CAMKMT: variants seen among roughly 807,000 people sequenced by gnomAD.
CAMKMT encodes the protein calmodulin-lysine N-methyltransferase.
In CAMKMT, 53 loss-of-function variants were observed where a neutral mutation model predicts 48.0. That is an observed-to-expected ratio of 1.10 (90% CI 0.89 to 1.39). The LOEUF (loss-of-function observed/expected upper bound fraction) is 1.39, where lower values mean the gene tolerates loss of function less well. Ranked by LOEUF, CAMKMT falls within the 40% of genes most tolerant of loss-of-function variation. The pLI is 0.00. For missense variants in CAMKMT, 428 were observed against 402.7 expected (o/e 1.06, Z -0.54); for synonymous variants, 165 against 152.3 (o/e 1.08, Z -0.61).
At chr2:44,553,156 A>G (rs1003004665) in intron 3 of CAMKMT, among the ~76,000 whole-genome samples, 1 of 152,212 alleles carries the variant, frequency 6.6e-6, no homozygotes, top group African/African-American at 2.4e-5. Context: ...GACACTATTT[A>G]AGTACCTGTA....
chr2:44,767,442 A>G (rs895221995), intron 10 of CAMKMT, among the ~76,000 whole-genome samples: 8 of 152,222 alleles, frequency 5.3e-5, no homozygotes, highest in African/African-American at 1.9e-4. Context: ...CCAGGACTGT[A>G]ATATAATGTA....
At chr2:44,645,251 C>T (rs1416494413) in intron 3 of CAMKMT, among the ~76,000 whole-genome samples, 8 of 152,214 alleles carry the variant, frequency 5.3e-5, no homozygotes, top group Admixed American at 6.5e-5. Flanking sequence ...TACCCCTGCT[C>T]CTGCCTTCGT....
intron 3 of CAMKMT, among the ~76,000 whole-genome samples, chr2:44,685,861 G>T (rs564363358): frequency 3.9e-5 from 6 of 152,182 alleles, no homozygotes; most frequent in Non-Finnish European, 8.8e-5. Flanking sequence ...GCTTCACCTG[G>T]CTACACAGTT....
intron 7 of CAMKMT, among the ~76,000 whole-genome samples, chr2:44,720,959 A>G (rs552509138): frequency 2.6e-5 from 4 of 152,070 alleles, no homozygotes; most frequent in African/African-American, 4.8e-5. Context: ...CTTCGATTAT[A>G]TTTTCTACTT....
intron 3 of CAMKMT, among the ~76,000 whole-genome samples, chr2:44,560,114 T>G (rs2103690163): frequency 6.6e-6 from 1 of 152,306 alleles, no homozygotes; most frequent in Middle Eastern, 3.4e-3. Flanking sequence ...AGTAAAATAT[T>G]TGAATAGGCT....
intron 3 of CAMKMT, among the ~76,000 whole-genome samples, chr2:44,666,017 C>G (rs1674946718): frequency 6.6e-6 from 1 of 152,280 alleles, no homozygotes; most frequent in Non-Finnish European, 1.5e-5. Flanking sequence ...AAGAAATAGG[C>G]AAGCCATGTG....
intron 4 of CAMKMT, chr2:44,705,194 A>C: frequency 4.0e-5 from 8 of 199,632 alleles, no homozygotes; most frequent in Non-Finnish European, 6.3e-5. Context: ...AATTGCTTTA[A>C]ACAACCAAAC....
chr2:44,767,986 G>T (rs1451533721), intron 10 of CAMKMT, among the ~76,000 whole-genome samples: 1 of 152,186 alleles, frequency 6.6e-6, no homozygotes. Context: ...GTTCAGCATT[G>T]TGCCTGATAC....
chr2:44,364,947 C>G (rs1678435071), intron 1 of CAMKMT, among the ~76,000 whole-genome samples: 1 of 152,106 alleles, frequency 6.6e-6, no homozygotes, highest in Non-Finnish European at 1.5e-5. Flanking sequence ...AGATATTTGG[C>G]AAAGGCCAAA....
chr2:44,744,804 C>G (rs1679850975), intron 8 of CAMKMT, among the ~76,000 whole-genome samples: 1 of 151,600 alleles, frequency 6.6e-6, no homozygotes, highest in Admixed American at 6.6e-5. Flanking sequence ...GAAAAAAAAA[C>G]ACTTCTCCAT....
intron 3 of CAMKMT, among the ~76,000 whole-genome samples, chr2:44,511,398 C>T (rs1670544244): frequency 6.6e-6 from 1 of 152,196 alleles, no homozygotes; most frequent in South Asian, 2.1e-4. Context: ...AAGCAATTCT[C>T]ATGCCTCAGC....
chr2:44,456,642 G>T (rs1667578932), intron 3 of CAMKMT: 4 of 1,543,342 alleles, frequency 2.6e-6, no homozygotes, highest in Admixed American at 2.0e-5. Flanking sequence ...TGGTAAATAT[G>T]CCTGGGGAGA....
chr2:44,621,425 G>T (rs1672188945), intron 3 of CAMKMT, among the ~76,000 whole-genome samples: 1 of 152,162 alleles, frequency 6.6e-6, no homozygotes, highest in African/African-American at 2.4e-5. Context: ...AAAGGGATGG[G>T]GGAGGCTGCT....
chr2:44,488,937 C>G (rs944025190), intron 3 of CAMKMT, among the ~76,000 whole-genome samples: 3 of 151,414 alleles, frequency 2.0e-5, no homozygotes, highest in African/African-American at 4.9e-5. Flanking sequence ...ACAGTCATAG[C>G]TCACTGCAGC....
intron 3 of CAMKMT, among the ~76,000 whole-genome samples, chr2:44,419,901 T>A (rs1385666862): frequency 6.6e-6 from 1 of 152,138 alleles, no homozygotes; most frequent in African/African-American, 2.4e-5. Context: ...CTGTGGTTGC[T>A]AATATCTTTT....
At chr2:44,467,566 C>T (rs1450686190) in intron 3 of CAMKMT, among the ~76,000 whole-genome samples, 1 of 151,170 alleles carries the variant, frequency 6.6e-6, no homozygotes, top group Non-Finnish European at 1.5e-5. Context: ...AAAAACAAAG[C>T]CAAACCAACA....
At chr2:44,744,139 A>G (rs755228670) in intron 8 of CAMKMT, among the ~76,000 whole-genome samples, 6 of 152,198 alleles carry the variant, frequency 3.9e-5, no homozygotes, top group Non-Finnish European at 7.4e-5. Flanking sequence ...CTCTCTAGCA[A>G]ATAAACATAT....
intron 3 of CAMKMT, among the ~76,000 whole-genome samples, chr2:44,415,555 C>T (rs893968742): frequency 6.6e-6 from 1 of 152,058 alleles, no homozygotes; most frequent in Non-Finnish European, 1.5e-5. Context: ...TTTTTCTTGG[C>T]CTTTAAGTTG....
chr2:44,705,647 AC>A, intron 4 of CAMKMT: 1 of 451,862 alleles, frequency 2.2e-6, no homozygotes, highest in Non-Finnish European at 2.9e-6. Flanking sequence ...TGCTGGCTTA[AC>A]CATATTATGT....
Sources: allele counts gnomAD v4.1 joint callset (sites outside exome capture counted in the v4.1 genomes callset), GRCh38; gene constraint gnomAD v4.1.1; transcripts MANE v1.5; gene names NCBI Gene and HGNC (gene_info 2026-07-23, HGNC 2026-07-21).